SLC38A6: variants seen among roughly 807,000 people sequenced by gnomAD.
SLC38A6 encodes solute carrier family 38 member 6.
SLC38A6 carries 73 observed loss-of-function variants against 65.0 expected under a neutral mutation model. That is an observed-to-expected ratio of 1.12 (90% confidence interval 0.93 to 1.37). SLC38A6 has a LOEUF of 1.37. Among genes scored for constraint, SLC38A6 ranks in the 40% most tolerant of loss-of-function variants. The probability of loss-of-function intolerance (pLI) is 0.00; values close to 1 mark genes in which losing one functional copy is unlikely to be tolerated. For missense variants in SLC38A6, 561 were observed against 531.1 expected, an observed-to-expected ratio of 1.06 and a Z score of -0.55; for synonymous variants, 183 against 178.8, an observed-to-expected ratio of 1.02 and a Z score of -0.19.
intron 3 of SLC38A6, among the ~76,000 whole-genome samples, chr14:61,003,139 G>C (rs1393322340): frequency 1.3e-5 from 2 of 151,882 alleles, no homozygotes. Flanking sequence ...AAATGGAACT[G>C]TACAAAAATA....
At chr14:60,993,366 A>G (rs367641136) in intron 3 of SLC38A6, among the ~76,000 whole-genome samples, 22 of 152,356 alleles carry the variant, frequency 1.4e-4, no homozygotes, top group African/African-American at 5.3e-4. Context: ...GTCCACTTTC[A>G]TAACACTGTG....
intron 16 of SLC38A6, among the ~76,000 whole-genome samples, chr14:61,082,547 G>A (rs11847768): frequency 0.012 from 1,875 of 152,258 alleles, 31 homozygotes; most frequent in African/African-American, 0.043. Context: ...CCTTCAGTGT[G>A]CTTCTGCAGC....
chr14:60,981,640 C>A (rs1482858890), intron 1 of SLC38A6: 1 of 1,447,898 alleles, frequency 6.9e-7, no homozygotes, highest in Non-Finnish European at 9.2e-7. Context: ...TGAGTGGAAG[C>A]TGCGAACATG....
Position 61,065,113 on chromosome 14 carries a change from T to G in SLC38A6, c.1290+12978T>G, listed in dbSNP as rs544403266. On this transcript the variant is annotated intron_variant, in intron 15 of 16. Coordinates refer to the SLC38A6 transcript ENST00000354886. ...ACCCAAGGTCTGGAAATCTTTGGGG[T>G]GTGTGTGTGTGTGTGTATGCTTTTC... 5.4e-3 allele frequency among the ~76,000 whole-genome samples: 821 copies of G among 150,896 alleles called. 5 individuals are homozygous for G. The highest frequency in any genetic ancestry group is 8.1e-3 in the East Asian group (42 of 5,156).
intron 2 of SLC38A6, among the ~76,000 whole-genome samples, chr14:60,983,267 G>T (rs2139666163): frequency 6.6e-6 from 1 of 152,264 alleles, no homozygotes; most frequent in African/African-American, 2.4e-5. Context: ...AAGGCAGGCG[G>T]ATCACTGGAA....
intron 3 of SLC38A6, among the ~76,000 whole-genome samples, chr14:61,011,616 C>G (rs987369029): frequency 3.3e-5 from 5 of 152,164 alleles, no homozygotes; most frequent in Non-Finnish European, 5.9e-5. Flanking sequence ...TGCCAAAGGC[C>G]TTTTCTGCAT....
Position 61,026,972 on chromosome 14 carries a change from C to T in SLC38A6, c.404-3473C>T, listed in dbSNP as rs190669020. ...TTTCTAACATCTCTCCTCTCAACCT[C>T]CCGGGCCCAATTCATTTATTTCACT... On this transcript the variant is annotated intron_variant, in intron 5 of 15. Transcript: ENST00000267488. 4.5e-4 allele frequency among the ~76,000 whole-genome samples: 69 copies of T among 152,202 alleles called. 1 individual carries two copies. In the Middle Eastern group the frequency reaches 0.02, roughly 45 times the overall value.
intron 9 of SLC38A6, 93 bp downstream of exon 9, chr14:61,043,305 G>A (rs2041925004): frequency 9.3e-7 from 1 of 1,071,666 alleles, no homozygotes; most frequent in Admixed American, 2.5e-5. Context: ...TGATGAAAAA[G>A]TAATGGCTAT....
At chr14:61,016,393 T>C (rs1464995904) in intron 4 of SLC38A6, among the ~76,000 whole-genome samples, 2 of 152,184 alleles carry the variant, frequency 1.3e-5, no homozygotes, top group Non-Finnish European at 2.9e-5. Context: ...TGAACATTGC[T>C]ACAAGATTAT....
In SLC38A6 at chr14:61,083,660, G is replaced by A. The variant is rs1301987589; in HGVS notation, c.1514G>A (p.Arg505His). 6.5e-6 allele frequency: 10 copies of A among 1,550,044 alleles called. No individual in the cohort carries two copies. The African/African-American group carries it at 6.8e-5, about 11-fold the overall frequency. Residue 505 changes from arginine (R) to histidine (H), a missense_variant, in exon 17 of 17, where the codon CGT (arginine) becomes CAT (histidine). Arg to His is a conservative substitution (Grantham distance 29, BLOSUM62 0). Coordinates refer to the SLC38A6 transcript ENST00000354886. ...GGAAGAGGCCTCAGGAGAACCAAAC[G>A]TGTCCACACCTTGATCTTGCACTTC...
intron 4 of SLC38A6, among the ~76,000 whole-genome samples, chr14:61,018,781 A>G (rs2040173978): frequency 6.6e-6 from 1 of 152,166 alleles, no homozygotes; most frequent in African/African-American, 2.4e-5. Flanking sequence ...AATATTTTTT[A>G]TTTTTAACTG....
chr14:61,061,827 TTTTG>T (rs1020722831), intron 15 of SLC38A6, among the ~76,000 whole-genome samples: 21 of 145,326 alleles, frequency 1.4e-4, no homozygotes, highest in South Asian at 2.1e-4. Flanking sequence ...GTGCAGGTTT[TTTTG>T]TTTTGTTTTG....
chr14:61,047,966 GATAGATAGATACATAC>G (rs1157080590), intron 12 of SLC38A6, among the ~76,000 whole-genome samples: 769 of 45,318 alleles, frequency 0.017, 3 homozygotes, highest in African/African-American at 0.035. Flanking sequence ...TAGATAGATA[GATAGATAGATACATAC>G]ATACATACAT....
rs767975089 is a variant in SLC38A6 at position 60,982,524 on chromosome 14, G to A, written c.122G>A (p.Arg41Gln). The change falls in exon 2 of 16, where the codon CGA becomes CAA. Residue 41 changes from arginine (R) to glutamine (Q), a missense_variant. By Grantham distance (43) the Arg-to-Gln change is conservative. Coordinates refer to ENST00000267488, the MANE Select transcript of SLC38A6 (RefSeq NM_153811.3). ...TGCTTACAGGAACTTCACAGACAGC[G>A]ATCCCCAGGTGTTTCATTTGGTTTA... Reference protein sequence around the residue: ...PLLSNELHRQRSPGVSFGLSV... With the variant: ...PLLSNELHRQQSPGVSFGLSV... 1 of 1,610,922 alleles carries A rather than the reference G, an allele frequency of 6.2e-7. No individual in the cohort carries two copies. Among genetic ancestry groups the A allele is most frequent in the East Asian group, 2.2e-5 (1 of 44,864 alleles).
At chr14:61,067,756 C>T (rs1479333931) in intron 15 of SLC38A6, among the ~76,000 whole-genome samples, 1 of 152,060 alleles carries the variant, frequency 6.6e-6, no homozygotes, top group Admixed American at 6.6e-5. Flanking sequence ...CATATACATA[C>T]ATACATATGT....
intron 4 of SLC38A6, 123 bp downstream of exon 4, chr14:61,016,079 G>A: frequency 1.7e-6 from 1 of 583,040 alleles, no homozygotes; most frequent in South Asian, 3.4e-5. Flanking sequence ...AAACTAAAGT[G>A]AGAAAAGAGA....
At chr14:61,070,168 G>A (rs755657345) in intron 15 of SLC38A6, among the ~76,000 whole-genome samples, 1 of 152,054 alleles carries the variant, frequency 6.6e-6, no homozygotes, top group South Asian at 2.1e-4. Context: ...TTTTCATCCG[G>A]CATGACTAAA....
At chr14:61,081,609 CG>C (rs1457388170) in intron 16 of SLC38A6, among the ~76,000 whole-genome samples, 1 of 151,862 alleles carries the variant, frequency 6.6e-6, no homozygotes, top group Non-Finnish European at 1.5e-5. Flanking sequence ...CGCTTGAACC[CG>C]GGAGGCAGAG....
intron 12 of SLC38A6, chr14:61,048,129 T>C (rs1326376213): frequency 4.4e-6 from 2 of 453,960 alleles, no homozygotes; most frequent in African/African-American, 4.0e-5. Context: ...AAGAAAAACC[T>C]TTGATCATAT....
Sources: allele counts gnomAD v4.1 joint callset (sites outside exome capture counted in the v4.1 genomes callset), GRCh38; gene constraint gnomAD v4.1.1; transcripts MANE v1.5; gene names NCBI Gene and HGNC (gene_info 2026-07-23, HGNC 2026-07-21).